Variants in TTC27 observed in about 807,000 individuals in gnomAD.
TTC27 encodes tetratricopeptide repeat protein 27.
In TTC27, 79 loss-of-function variants were observed where a neutral mutation model predicts 115.9. That is an observed-to-expected ratio of 0.68 (90% CI 0.57 to 0.82). The LOEUF (loss-of-function observed/expected upper bound fraction) is 0.82, where lower values mean the gene tolerates loss of function less well. Ranked by LOEUF, TTC27 falls within the 40% of genes least tolerant of loss-of-function variation. The probability of loss-of-function intolerance (pLI) is 0.00; values close to 1 mark genes in which losing one functional copy is unlikely to be tolerated. For missense variants in TTC27, 1,054 were observed against 993.1 expected (o/e 1.06, Z -0.82); for synonymous variants, 401 against 356.0 (o/e 1.13, Z -1.42).
At chr2:32,751,858 G>A (rs3820918) in intron 12 of TTC27, among the ~76,000 whole-genome samples, 28,500 of 152,064 alleles carry the variant, frequency 0.19, 3,214 homozygotes, top group South Asian at 0.36. Context: ...TAGGAACTGG[G>A]TGAGAGACAA....
chr2:32,693,283 C>T (rs1266121579), intron 9 of TTC27, among the ~76,000 whole-genome samples: 1 of 152,134 alleles, frequency 6.6e-6, no homozygotes, highest in Non-Finnish European at 1.5e-5. Context: ...TGTCAGATAG[C>T]AAGACCTATT....
intron 16 of TTC27, among the ~76,000 whole-genome samples, chr2:32,796,880 GAC>G (rs1234159605): frequency 6.6e-6 from 1 of 151,748 alleles, no homozygotes; most frequent in African/African-American, 2.4e-5. Context: ...TTTTTTAAGA[GAC>G]AGTGTCTCGG....
chr2:32,629,214 C>T (rs1456101576), intron 1 of TTC27, among the ~76,000 whole-genome samples: 1 of 151,778 alleles, frequency 6.6e-6, no homozygotes, highest in Non-Finnish European at 1.5e-5. Context: ...CTCCGCTTCC[C>T]CGGTTCAAGC....
chr2:32,702,263 T>C (rs892267088), intron 9 of TTC27, among the ~76,000 whole-genome samples: 7 of 152,204 alleles, frequency 4.6e-5, no homozygotes, highest in African/African-American at 1.7e-4. Context: ...TGGTAATCTT[T>C]ACTGAAAGTA....
chr2:32,779,845 A>G (rs1057404772), intron 14 of TTC27, among the ~76,000 whole-genome samples: 3 of 151,030 alleles, frequency 2.0e-5, no homozygotes, highest in African/African-American at 7.3e-5. Flanking sequence ...AAGGGGTCCA[A>G]CTTCATTCTT....
chr2:32,628,762 TTTATTTATTTATTTA>T (rs2063533662), intron 1 of TTC27, among the ~76,000 whole-genome samples: 1 of 151,416 alleles, frequency 6.6e-6, no homozygotes, highest in African/African-American at 2.4e-5. Flanking sequence ...TATTTATTTA[TTTATTTATTTATTTA>T]TTGAGACGGA....
At chr2:32,692,036 G>GTTTT (rs779547700) in intron 9 of TTC27, among the ~76,000 whole-genome samples, 3,782 of 60,948 alleles carry the variant, frequency 0.062, 737 homozygotes, top group Middle Eastern at 0.11. Context: ...AATTTTTTAG[G>GTTTT]TTTTTTTTTT....
intron 10 of TTC27, among the ~76,000 whole-genome samples, chr2:32,704,091 C>T (rs1439377278): frequency 6.6e-6 from 1 of 152,228 alleles, no homozygotes; most frequent in Non-Finnish European, 1.5e-5. Flanking sequence ...ATTTCCTAAA[C>T]ATCCTACTGC....
intron 3 of TTC27, among the ~76,000 whole-genome samples, chr2:32,638,453 A>G (rs1031140120): frequency 1.3e-4 from 20 of 152,060 alleles, no homozygotes; most frequent in Non-Finnish European, 4.4e-5. Context: ...ATCACGGCTC[A>G]CTGTAACCTC....
At chr2:32,820,580 G>A (rs1257756300) in intron 19 of TTC27, among the ~76,000 whole-genome samples, 5 of 152,170 alleles carry the variant, frequency 3.3e-5, no homozygotes, top group Admixed American at 6.5e-5. Flanking sequence ...AGGCAAATGC[G>A]TTGAAGAGCA....
chr2:32,651,212 G>A (rs544294809), intron 5 of TTC27, among the ~76,000 whole-genome samples: 2 of 152,292 alleles, frequency 1.3e-5, no homozygotes, highest in Non-Finnish European at 2.9e-5. Flanking sequence ...ATGAGGAGTG[G>A]TAGTTAGCAT....
chr2:32,764,942 T>G (rs1429932143), intron 13 of TTC27, among the ~76,000 whole-genome samples: 1 of 152,230 alleles, frequency 6.6e-6, no homozygotes, highest in Non-Finnish European at 1.5e-5. Context: ...AGTTCTGTAT[T>G]TCTGCCACAC....
At chr2:32,705,124 G>GC (rs1667322573) in intron 10 of TTC27, 1 of 297,906 alleles carries the variant, frequency 3.4e-6, no homozygotes, top group African/African-American at 2.2e-5. Context: ...ATATCCTAGT[G>GC]CCCTCCCCAC....
At chr2:32,666,498 C>A in intron 6 of TTC27, 137 bp from the exon 7 acceptor site, 1 of 822,280 alleles carries the variant, frequency 1.2e-6, no homozygotes, top group Non-Finnish European at 1.7e-6. Context: ...AAACCTGAGG[C>A]TGGGCCTCAG....
intron 10 of TTC27, among the ~76,000 whole-genome samples, chr2:32,723,971 C>CTTTTTTTTGTTTTTTTTTTTTTTTTTT (rs1668026392): frequency 1.1e-5 from 1 of 92,436 alleles, no homozygotes; most frequent in African/African-American, 4.2e-5. Context: ...CATACATAAG[C>CTTTTTTTTGTTTTTTTTTTTTTTTTTT]TTTTTTTTTT....
intron 10 of TTC27, among the ~76,000 whole-genome samples, chr2:32,727,237 G>A (rs569435166): frequency 1.1e-3 from 162 of 152,294 alleles, no homozygotes; most frequent in African/African-American, 3.8e-3. Flanking sequence ...TGAGATTGTG[G>A]TGATATTAAT....
chr2:32,671,415 C>T (rs1435811667), intron 7 of TTC27, among the ~76,000 whole-genome samples: 1 of 152,122 alleles, frequency 6.6e-6, no homozygotes, highest in Non-Finnish European at 1.5e-5. Context: ...CTCAAGCTTC[C>T]TCCCACCTTG....
At chr2:32,753,429 CTTTTTTTTTTT>C (rs776515945) in intron 12 of TTC27, among the ~76,000 whole-genome samples, 9 of 72,848 alleles carry the variant, frequency 1.2e-4, no homozygotes, top group Admixed American at 8.8e-4. Context: ...AATCAAATGC[CTTTTTTTTTTT>C]TTTTTTTTTT....
chr2:32,668,996 G>T (rs976270210), intron 7 of TTC27, among the ~76,000 whole-genome samples: 1 of 151,980 alleles, frequency 6.6e-6, no homozygotes, highest in Non-Finnish European at 1.5e-5. Context: ...GGAGAATGGC[G>T]TGAACCCGGG....
Sources: allele counts gnomAD v4.1 joint callset (sites outside exome capture counted in the v4.1 genomes callset), GRCh38; gene constraint gnomAD v4.1.1; transcripts MANE v1.5; gene names NCBI Gene and HGNC (gene_info 2026-07-23, HGNC 2026-07-21).